CARS2: variants seen among roughly 807,000 people sequenced by gnomAD.
CARS2 encodes the protein cysteinyl-tRNA synthetase 2, mitochondrial.
In CARS2, 52 loss-of-function variants were observed where a neutral mutation model predicts 68.8. The ratio of observed to expected loss-of-function variants is 0.76; its 90% CI spans 0.61 to 0.95. The LOEUF (loss-of-function observed/expected upper bound fraction) is 0.95, where lower values mean the gene tolerates loss of function less well. Among genes scored for constraint, CARS2 ranks in the 40% least tolerant of loss-of-function variants. The pLI, the probability that CARS2 is intolerant of heterozygous loss-of-function variation, is 0.00. For missense variants in CARS2, 780 were observed against 754.2 expected (o/e 1.03, Z -0.40); for synonymous variants, 314 against 303.6 (o/e 1.03, Z -0.36).
chr13:110,692,559 T>C (rs2063502083), intron 3 of CARS2, among the ~76,000 whole-genome samples: 1 of 123,072 alleles, frequency 8.1e-6, no homozygotes, highest in Non-Finnish European at 1.9e-5. Context: ...TTCCTATTCT[T>C]CCTTTTTTTT....
rs2062961933 is a variant in CARS2, at chr13:110,676,746, C to T, written c.785+228G>A. Among the ~76,000 whole-genome samples, 1 of 152,128 alleles carries T rather than the reference C, an allele frequency of 6.6e-6. No homozygotes were observed. On this transcript the variant is annotated intron_variant, in intron 7 of 14. Coordinates refer to ENST00000257347, the MANE Select transcript of CARS2 (RefSeq NM_024537.4). This position sits in a 1 kb window ranked among gnomAD's most constrained non-coding sequence, Gnocchi z 4.0. The stretch of plus-strand genomic sequence containing the variant: ...GCTGCAAGTGTGAACCAAAAAGCAG[C>T]CTCTCCACTAAACAGAGGAAGTGCT...
intron 9 of CARS2, among the ~76,000 whole-genome samples, chr13:110,660,763 CTTTTT>C (rs201474441): frequency 2.3e-5 from 3 of 132,854 alleles, no homozygotes; most frequent in East Asian, 2.2e-4. Context: ...TAGCATAATT[CTTTTT>C]TTTTTTTTTT....
At chr13:110,641,802 G>C (rs1887346255) in intron 14 of CARS2, among the ~76,000 whole-genome samples, 194 bp from the exon 15 acceptor site, 1 of 152,234 alleles carries the variant, frequency 6.6e-6, no homozygotes, top group African/African-American at 2.4e-5. Flanking sequence ...GGAGGTGGCG[G>C]GGGCTGAGCA....
At chr13:110,648,558 C>T (rs1352150594) in intron 10 of CARS2, 1 of 152,340 alleles carries the variant, frequency 6.6e-6, no homozygotes, top group African/African-American at 2.4e-5. Context: ...CCCGAACTCC[C>T]ACACCATTCG....
At chr13:110,659,874 A>G (rs9588224) in intron 9 of CARS2, among the ~76,000 whole-genome samples, 43,013 of 152,084 alleles carry the variant, frequency 0.28, 6,778 homozygotes, top group African/African-American at 0.39. Context: ...TTCTTAAAAC[A>G]AGACAATAAT....
Position 110,667,329 on chromosome 13 carries a change from T to G in CARS2, c.919+11A>C. ...TGAAACAGAACAAATTAATCTGAAG[T>G]TATTACTTACCAGAATGCAGAAAAT... On this transcript the variant is annotated intron_variant, in intron 8 of 14. Transcript: ENST00000257347. 6.2e-7 allele frequency: 1 copy of G among 1,604,876 alleles called. No homozygotes were observed. Among genetic ancestry groups the G allele is most frequent in the African/African-American group, 1.3e-5 (1 of 74,770 alleles).
chr13:110,693,202 C>A (rs2063525368), intron 3 of CARS2, among the ~76,000 whole-genome samples: 1 of 151,316 alleles, frequency 6.6e-6, no homozygotes, highest in African/African-American at 2.4e-5. Flanking sequence ...AAAGGCTCAT[C>A]AGGTAGAATA....
chr13:110,701,668 A>G (rs887669497), intron 2 of CARS2, 113 bp from the exon 3 acceptor site: 23 of 669,918 alleles, frequency 3.4e-5, no homozygotes, highest in Middle Eastern at 8.1e-4. Context: ...GTGTAGCACA[A>G]TGGACAGGTC....
chr13:110,712,141 G>A (rs2064033977), intron 1 of CARS2: 1 of 152,316 alleles, frequency 6.6e-6, no homozygotes, highest in Admixed American at 6.5e-5. Flanking sequence ...AAGAAAAATG[G>A]AGAACCGCGC....
intron 5 of CARS2, 34 bp from the exon 6 acceptor site, chr13:110,683,168 C>G: frequency 7.0e-7 from 1 of 1,422,848 alleles, no homozygotes; most frequent in Non-Finnish European, 9.6e-7. Flanking sequence ...TTCATCACTT[C>G]TCAGTCTGAA....
At chr13:110,648,452 A>G (rs440500) in intron 10 of CARS2, 42,240 of 152,164 alleles carry the variant, frequency 0.28, 7,090 homozygotes, top group African/African-American at 0.47. Context: ...GATGGGAGAC[A>G]CTTCTCCAAA....
intron 7 of CARS2, among the ~76,000 whole-genome samples, chr13:110,672,931 T>C (rs1443103766): frequency 6.6e-6 from 1 of 152,114 alleles, no homozygotes; most frequent in Non-Finnish European, 1.5e-5. Context: ...GAGAATACTA[T>C]AAACACCTCT....
chr13:110,705,385 A>G lies in CARS2; in HGVS notation c.275+136T>C, dbSNP rs2063910557. On this transcript the variant is annotated intron_variant, in intron 2 of 14. Coordinates refer to ENST00000257347, the MANE Select transcript of CARS2 (RefSeq NM_024537.4). This position sits in a 1 kb window ranked among gnomAD's most constrained non-coding sequence, Gnocchi z 4.0. ...TATAAGAACCAAATGAGGTTGTAAC[A>G]TTTCCCACAATGCCTGGAATGTAGG... 6.2e-6 allele frequency: 4 copies of G among 645,376 alleles called. No individual in the cohort carries two copies. The highest frequency in any genetic ancestry group is 3.2e-5 in the Admixed American group (1 of 31,554). 40.0% of individuals were successfully genotyped at this position (645,376 alleles called of 1,614,324 possible).
chr13:110,647,359 A>T (rs1273921604), intron 10 of CARS2, 120 bp from the exon 11 acceptor site: 12 of 1,266,780 alleles, frequency 9.5e-6, no homozygotes, highest in Admixed American at 2.3e-5. Context: ...AGAGCGGGAC[A>T]TGTGGCTCTC....
chr13:110,663,654 TG>T, intron 8 of CARS2, 136 bp from the exon 9 acceptor site: 2 of 1,421,424 alleles, frequency 1.4e-6, no homozygotes, highest in Non-Finnish European at 1.8e-6. Context: ...GGTATAAATC[TG>T]CCCCCAAATC....
Position 110,677,044 on chromosome 13 carries a change from C to T in CARS2, c.715G>A (p.Glu239Lys). ...CCCCAGGGAGAGGCCCAGAACACCTCCTGGGGTTTGGCCGCCTTCCACAGG... is the reference window on the plus strand; with the variant it reads ...CCCCAGGGAGAGGCCCAGAACACCTTCTGGGGTTTGGCCGCCTTCCACAGG... Reference protein sequence around the residue: ...FALWKAAKPQEVFWASPWGPG... With the variant: ...FALWKAAKPQKVFWASPWGPG... Residue 239 changes from glutamate (E) to lysine (K), a missense_variant, in exon 7 of 15, where the codon GAG becomes AAG. Coordinates refer to ENST00000257347, the MANE Select transcript of CARS2 (RefSeq NM_024537.4). 6.2e-7 allele frequency: 1 copy of T among 1,611,444 alleles called. No individual in the cohort carries two copies. The highest frequency in any genetic ancestry group is 8.5e-7 in the Non-Finnish European group (1 of 1,178,120).
intron 13 of CARS2, chr13:110,643,606 C>G (rs984835115): frequency 1.0e-4 from 16 of 154,336 alleles, no homozygotes; most frequent in African/African-American, 3.9e-4. Context: ...CAGCAGCAGC[C>G]GAGCCACACC....
chr13:110,669,647 C>T (rs1044154139), intron 7 of CARS2, among the ~76,000 whole-genome samples: 3 of 152,102 alleles, frequency 2.0e-5, no homozygotes, highest in African/African-American at 7.2e-5. Context: ...CCAGCATGAG[C>T]GACGCAGAAG....
intron 10 of CARS2, 99 bp from the exon 11 acceptor site, chr13:110,647,338 G>A: frequency 7.0e-7 from 1 of 1,424,330 alleles, no homozygotes; most frequent in Non-Finnish European, 9.5e-7. Context: ...TGCCACCCAG[G>A]GACCACACGG....
Sources: allele counts gnomAD v4.1 joint callset (sites outside exome capture counted in the v4.1 genomes callset), GRCh38; gene constraint gnomAD v4.1.1; non-coding constraint Gnocchi (gnomAD v3.1); transcripts MANE v1.5; gene names NCBI Gene and HGNC (gene_info 2026-07-23, HGNC 2026-07-21).